The following PTPRG variants were observed in gnomAD, a reference collection of about 807,000 sequenced individuals.
PTPRG encodes receptor-type tyrosine-protein phosphatase gamma.
Under a neutral mutation model 165.3 loss-of-function variants are expected in PTPRG, and 102 were observed. The observed-to-expected ratio is 0.62, with a 90% CI of 0.53 to 0.73. The LOEUF (loss-of-function observed/expected upper bound fraction) is 0.73. Among genes scored for constraint, PTPRG ranks in the 30% least tolerant of loss-of-function variants. The probability of loss-of-function intolerance (pLI) is 0.00; values close to 1 mark genes in which losing one functional copy is unlikely to be tolerated. For synonymous variants in PTPRG, 675 were observed against 669.5 expected (o/e 1.01, Z -0.13); for missense variants, 1,866 against 1,861.4 (o/e 1.00, Z -0.05).
intron 2 of PTPRG, among the ~76,000 whole-genome samples, chr3:61,960,051 C>G (rs760693041): frequency 3.3e-5 from 5 of 152,182 alleles, no homozygotes; most frequent in Non-Finnish European, 5.9e-5. Flanking sequence ...GCCACCTTCT[C>G]AGGAGTCGCT....
chr3:62,134,355 A>G (rs1703628774), intron 6 of PTPRG, among the ~76,000 whole-genome samples: 2 of 152,210 alleles, frequency 1.3e-5, no homozygotes, highest in African/African-American at 2.4e-5. Flanking sequence ...CAGGTTTGGA[A>G]CACTGATTAA....
At chr3:61,620,490 G>A (rs761058144) in intron 1 of PTPRG, among the ~76,000 whole-genome samples, 1 of 152,026 alleles carries the variant, frequency 6.6e-6, no homozygotes, top group Non-Finnish European at 1.5e-5. Flanking sequence ...CCTGGAATCC[G>A]CCAGGAATCA....
intron 2 of PTPRG, among the ~76,000 whole-genome samples, chr3:61,984,063 A>G (rs548990941): frequency 2.0e-5 from 3 of 152,284 alleles, no homozygotes; most frequent in East Asian, 1.9e-4. Flanking sequence ...GAGGAATTCT[A>G]TCTGCCTTAA....
At chr3:62,150,493 T>C (rs1704290443) in intron 6 of PTPRG, among the ~76,000 whole-genome samples, 1 of 152,194 alleles carries the variant, frequency 6.6e-6, no homozygotes, top group Non-Finnish European at 1.5e-5. Flanking sequence ...CCCAGATGAT[T>C]TGCCTGCACA....
In PTPRG at chr3:62,252,111, CCCA is replaced by C. The variant is rs1277574071; in HGVS notation, c.2468-3002_2468-3000del. 6.6e-6 allele frequency among the ~76,000 whole-genome samples: 1 copy of C among 152,124 alleles called. No individual in the cohort carries two copies. ...AGCCCCTTTTTTCCTTTATGCTTCT[CCCA>C]CCACCACCACTGCATCAGTGACATT... On this transcript the variant is annotated intron_variant, in intron 15 of 29. Transcript: ENST00000474889. This position sits in a 1 kb window ranked among gnomAD's most constrained non-coding sequence, Gnocchi z 4.6.
At chr3:61,825,071 C>T (rs1338205481) in intron 2 of PTPRG, among the ~76,000 whole-genome samples, 2 of 152,078 alleles carry the variant, frequency 1.3e-5, no homozygotes, top group East Asian at 1.9e-4. Context: ...GTCTTTTAAC[C>T]CTGACTCCTT....
At chr3:62,204,107 G>T (rs1331302893) in intron 12 of PTPRG, among the ~76,000 whole-genome samples, 157 bp downstream of exon 12, 1 of 152,158 alleles carries the variant, frequency 6.6e-6, no homozygotes, top group Admixed American at 6.5e-5. Context: ...TGTGAAATGT[G>T]TATGTGTGTG....
At chr3:61,721,879 A>G (rs114313898) in intron 1 of PTPRG, among the ~76,000 whole-genome samples, 1 of 152,318 alleles carries the variant, frequency 6.6e-6, no homozygotes, top group African/African-American at 2.4e-5. Flanking sequence ...ACTTCACTGG[A>G]ACCTCATATT....
intron 5 of PTPRG, among the ~76,000 whole-genome samples, chr3:62,112,208 G>A (rs1403709508): frequency 1.3e-5 from 2 of 152,006 alleles, no homozygotes; most frequent in Non-Finnish European, 1.5e-5. Context: ...AGATTCAAGT[G>A]ATTCTCCTGC....
chr3:62,036,948 C>T lies in PTPRG; in HGVS notation c.519+33451C>T, dbSNP rs1318939153. 2.7e-5 allele frequency among the ~76,000 whole-genome samples: 4 copies of T among 150,760 alleles called. No homozygotes were observed. In the Admixed American group the frequency reaches 2.7e-4, roughly 10 times the overall value. On this transcript the variant is annotated intron_variant, in intron 4 of 29. Coordinates refer to ENST00000474889, the MANE Select transcript of PTPRG (RefSeq NM_002841.4). ...CTCAGGCTCGTTTGCCACCACTTCC[C>T]TACCTCCCTCAGTGCTGCACGTGCG...
At chr3:62,208,544 G>A (rs1700283835) in intron 12 of PTPRG, among the ~76,000 whole-genome samples, 1 of 152,112 alleles carries the variant, frequency 6.6e-6, no homozygotes, top group Non-Finnish European at 1.5e-5. Context: ...AGGTGCTAAG[G>A]GGACATTCCA....
intron 6 of PTPRG, among the ~76,000 whole-genome samples, chr3:62,139,535 C>T (rs552375458): frequency 7.9e-5 from 12 of 152,310 alleles, no homozygotes; most frequent in East Asian, 3.9e-4. Context: ...CAGAGCTAGA[C>T]GGCTGCTCTC....
chr3:62,215,726 C>T (rs1273501830), intron 12 of PTPRG, among the ~76,000 whole-genome samples: 1 of 152,056 alleles, frequency 6.6e-6, no homozygotes, highest in Non-Finnish European at 1.5e-5. Flanking sequence ...GCCTGAACCT[C>T]TCTGAGAATC....
chr3:62,166,029 A>G (rs935517341), intron 7 of PTPRG, among the ~76,000 whole-genome samples: 3 of 152,028 alleles, frequency 2.0e-5, no homozygotes, highest in African/African-American at 7.2e-5. Context: ...CACTCAATGC[A>G]CAGAGAGCAT....
intron 2 of PTPRG, among the ~76,000 whole-genome samples, chr3:61,844,121 G>A (rs1472744562): frequency 6.6e-6 from 1 of 151,910 alleles, no homozygotes; most frequent in Non-Finnish European, 1.5e-5. Flanking sequence ...GTGCCCCCAG[G>A]CCCGGCTATA....
At chr3:61,834,655 A>G (rs1227031503) in intron 2 of PTPRG, among the ~76,000 whole-genome samples, 1 of 152,198 alleles carries the variant, frequency 6.6e-6, no homozygotes, top group African/African-American at 2.4e-5. Flanking sequence ...TCTACTAAAA[A>G]TACAAAAATT....
chr3:61,906,821 AG>A (rs1415880339), intron 2 of PTPRG, among the ~76,000 whole-genome samples: 1 of 151,066 alleles, frequency 6.6e-6, no homozygotes, highest in African/African-American at 2.4e-5. Flanking sequence ...GTAGGTAGGT[AG>A]GTAGGTAGAA....
At chr3:61,670,987 T>G (rs1243771515) in intron 1 of PTPRG, among the ~76,000 whole-genome samples, 1 of 151,848 alleles carries the variant, frequency 6.6e-6, no homozygotes, top group Non-Finnish European at 1.5e-5. Flanking sequence ...TTGGATTCGT[T>G]GAAAATATGA....
In PTPRG at chr3:62,082,006, C is replaced by T. The variant is rs548917217; in HGVS notation, c.615+3748C>T. Among the ~76,000 whole-genome samples the T allele has an allele frequency of 6.6e-5, 10 of 152,260 alleles. No homozygotes were observed. In the South Asian group the frequency reaches 1.0e-3, roughly 16 times the overall value. The stretch of plus-strand genomic sequence containing the variant: ...CTCACTGTCATGGTCCCACAAATAA[C>T]GGCCAAAAAGAGTTGAACTCCTCTA... On this transcript the variant is annotated intron_variant, in intron 5 of 29. Coordinates refer to ENST00000474889, the MANE Select transcript of PTPRG (RefSeq NM_002841.4).
Sources: gnomAD v4.1 joint callset for allele counts (sites outside exome capture counted in the v4.1 genomes callset) on GRCh38, gnomAD v4.1.1 for gene constraint, Gnocchi (gnomAD v3.1) non-coding constraint, MANE v1.5 for transcripts, NCBI Gene and HGNC (gene_info 2026-07-23, HGNC 2026-07-21) for gene names.